The following CYYR1 variants were observed in gnomAD, a reference collection of about 807,000 sequenced individuals.
CYYR1 encodes the protein cysteine and tyrosine rich 1, also known as cysteine and tyrosine-rich protein 1.
CYYR1 carries 14 observed loss-of-function variants against 15.2 expected under a neutral mutation model. The observed-to-expected ratio is 0.92, with a 90% CI of 0.61 to 1.44. CYYR1 has a LOEUF of 1.44. Ranked by LOEUF, CYYR1 falls within the 40% of genes most tolerant of loss-of-function variation. The pLI is 0.00. For missense variants in CYYR1, 228 were observed against 209.5 expected (o/e 1.09, Z -0.54); for synonymous variants, 80 against 77.4 (o/e 1.03, Z -0.18).
chr21:26,572,459 A>C (rs1303265091), intron 1 of CYYR1, among the ~76,000 whole-genome samples: 2 of 152,176 alleles, frequency 1.3e-5, no homozygotes, highest in African/African-American at 4.8e-5. Flanking sequence ...CTCCCAAAGA[A>C]CGAAAACAAA....
rs1258107143 is a variant in CYYR1, at chr21:26,480,565, C to A, written c.177-136G>T. 8.4e-6 allele frequency: 5 copies of A among 593,246 alleles called. No homozygotes were observed. The Admixed American group carries it at 2.0e-4, about 24-fold the overall frequency. The allele number at this position is 593,246 out of a possible 1,614,324, so 36.7% of individuals were successfully genotyped here. A position where few individuals can be genotyped will look rare whatever the true frequency, so the allele number is the denominator to read the frequency against. On this transcript the variant is annotated intron_variant, in intron 2 of 3. Coordinates refer to ENST00000652641, the MANE Select transcript of CYYR1 (RefSeq NM_001320768.2). ...GATAATGTGTGTGTGTTTTTCTTTT[C>A]TTTTTTTTTTTAAAACCCATAAGTT... is the stretch of plus-strand genomic sequence containing the variant.
intron 2 of CYYR1, among the ~76,000 whole-genome samples, chr21:26,554,054 C>T (rs1232137995): frequency 1.3e-5 from 2 of 152,140 alleles, no homozygotes; most frequent in African/African-American, 2.4e-5. Context: ...AGTTGTTGTG[C>T]TTTTTGTTCT....
At chr21:26,552,951 A>G (rs528577922) in intron 2 of CYYR1, among the ~76,000 whole-genome samples, 1 of 152,104 alleles carries the variant, frequency 6.6e-6, no homozygotes, top group African/African-American at 2.4e-5. Context: ...CAGGACTTTG[A>G]TTTTTTACTC....
At chr21:26,545,233 T>A (rs1978877356) in intron 2 of CYYR1, among the ~76,000 whole-genome samples, 1 of 152,168 alleles carries the variant, frequency 6.6e-6, no homozygotes, top group South Asian at 2.1e-4. Flanking sequence ...TTCTCATGTA[T>A]CATGGCCTGT....
chr21:26,468,910 A>T (rs1396389623), intron 3 of CYYR1, among the ~76,000 whole-genome samples: 2 of 151,574 alleles, frequency 1.3e-5, no homozygotes, highest in Non-Finnish European at 2.9e-5. Context: ...ATTCAGGTTG[A>T]TCAAAAGCAC....
At chr21:26,538,172 T>G (rs1601806936) in intron 2 of CYYR1, among the ~76,000 whole-genome samples, 2 of 152,264 alleles carry the variant, frequency 1.3e-5, no homozygotes, top group Admixed American at 6.5e-5. Context: ...TCCAACAACT[T>G]GTCACTGCAC....
rs188816674 is a variant in CYYR1 at position 26,502,282 on chromosome 21, A to G, written c.177-21853T>C. Among the ~76,000 whole-genome samples the G allele has an allele frequency of 3.3e-3, 499 of 149,276 alleles. 1 individual carries two copies. The highest frequency in any genetic ancestry group is 6.0e-3 in the Non-Finnish European group (404 of 67,368). On this transcript the variant is annotated intron_variant, in intron 2 of 3. Coordinates refer to ENST00000652641, the MANE Select transcript of CYYR1 (RefSeq NM_001320768.2). Reference sequence around the variant, plus strand: ...GCATCACGGGCAGAATTTATTTGCTATGTATAGAATTGAGAACTGCTTTTT... The same window carrying G: ...GCATCACGGGCAGAATTTATTTGCTGTGTATAGAATTGAGAACTGCTTTTT...
chr21:26,471,311 G>C (rs1017174252), intron 3 of CYYR1: 4 of 152,174 alleles, frequency 2.6e-5, no homozygotes, highest in African/African-American at 9.7e-5. Context: ...GCATACACCA[G>C]CTGATTCTGC....
rs1981105366 is a variant in CYYR1, at chr21:26,572,965, A to G, written c.-25T>C. The stretch of plus-strand genomic sequence containing the variant: ...TCCAAGCCGGTGGCCTGAGGCTTGG[A>G]GCGAAGGGAGAGCCCGGAACCGGAG... On this transcript the variant is annotated 5_prime_UTR_variant, in exon 1 of 4. Transcript: ENST00000652641. 5.0e-6 allele frequency: 8 copies of G among 1,613,508 alleles called. No homozygotes were observed. Among genetic ancestry groups the G allele is most frequent in the Non-Finnish European group, 5.9e-6 (7 of 1,179,814 alleles).
intron 2 of CYYR1, among the ~76,000 whole-genome samples, chr21:26,556,795 C>A (rs1979820163): frequency 1.3e-5 from 2 of 152,018 alleles, no homozygotes; most frequent in African/African-American, 4.8e-5. Flanking sequence ...GATTGCAATT[C>A]GACATGAAAT....
intron 2 of CYYR1, among the ~76,000 whole-genome samples, chr21:26,539,313 A>C (rs992593837): frequency 2.0e-5 from 3 of 152,260 alleles, no homozygotes; most frequent in African/African-American, 7.2e-5. Context: ...TTCACGAGCC[A>C]AGCAGGGGAC....
At chr21:26,525,542 A>G (rs2065853209) in intron 2 of CYYR1, among the ~76,000 whole-genome samples, 1 of 151,988 alleles carries the variant, frequency 6.6e-6, no homozygotes, top group African/African-American at 2.4e-5. Context: ...TTCTATTCCT[A>G]TTTTTGGCCC....
chr21:26,555,429 G>T (rs1167240576), intron 2 of CYYR1, among the ~76,000 whole-genome samples: 1 of 152,158 alleles, frequency 6.6e-6, no homozygotes, highest in East Asian at 1.9e-4. Flanking sequence ...GCAAAATGCA[G>T]CATAGAGAGA....
intron 2 of CYYR1, among the ~76,000 whole-genome samples, chr21:26,533,714 A>G (rs2065961460): frequency 6.6e-6 from 1 of 152,110 alleles, no homozygotes; most frequent in African/African-American, 2.4e-5. Context: ...AAAATTCACC[A>G]TCACAATTAG....
chr21:26,504,519 A>T (rs193020648), intron 2 of CYYR1, among the ~76,000 whole-genome samples: 503 of 152,256 alleles, frequency 3.3e-3, no homozygotes, highest in African/African-American at 9.9e-3. Flanking sequence ...TTATTTAAAA[A>T]TTTTTTGTGA....
intron 2 of CYYR1, among the ~76,000 whole-genome samples, chr21:26,545,691 C>G (rs1047966691): frequency 7.0e-6 from 1 of 142,696 alleles, no homozygotes; most frequent in African/African-American, 2.5e-5. Flanking sequence ...TAAGAAAGCC[C>G]ACCTCAGCCT....
chr21:26,476,698 A>AT (rs2065110022), intron 3 of CYYR1, among the ~76,000 whole-genome samples: 2 of 151,438 alleles, frequency 1.3e-5, no homozygotes, highest in South Asian at 4.2e-4. Context: ...GTCAAATCTC[A>AT]TTTTTCTTGA....
chr21:26,509,741 T>C (rs1320804201), intron 2 of CYYR1, among the ~76,000 whole-genome samples: 3 of 152,220 alleles, frequency 2.0e-5, no homozygotes, highest in African/African-American at 7.2e-5. Context: ...CCATGTTTGC[T>C]ACCGAGGATC....
chr21:26,522,430 A>G (rs2065814052), intron 2 of CYYR1, among the ~76,000 whole-genome samples: 1 of 152,190 alleles, frequency 6.6e-6, no homozygotes. Flanking sequence ...ATATGCAAAG[A>G]TGGTATTTTT....
Sources: gnomAD v4.1 joint callset for allele counts (sites outside exome capture counted in the v4.1 genomes callset) on GRCh38, gnomAD v4.1.1 for gene constraint, MANE v1.5 for transcripts, NCBI Gene and HGNC (gene_info 2026-07-23, HGNC 2026-07-21) for gene names.